Variants in KLF8 observed in about 807,000 individuals in gnomAD.
KLF8 encodes the protein Krueppel-like factor 8.
KLF8 carries 10 observed loss-of-function variants against 18.2 expected under a neutral mutation model. The ratio of observed to expected loss-of-function variants is 0.55; its 90% CI spans 0.34 to 0.93. The LOEUF (loss-of-function observed/expected upper bound fraction) is 0.93. Among genes scored for constraint, KLF8 ranks in the 40% least tolerant of loss-of-function variants. KLF8 has a pLI of 0.02. For synonymous variants in KLF8, 109 were observed against 97.3 expected, an observed-to-expected ratio of 1.12 and a Z score of -0.71; for missense variants, 264 against 277.9, an observed-to-expected ratio of 0.95 and a Z score of 0.36.
the KLF8 span, among the ~76,000 whole-genome samples, chrX:56,188,877 G>C: frequency 4.5e-5 from 5 of 111,957 alleles, no homozygotes; most frequent in African/African-American, 1.6e-4. Context: ...ATTCAAGATG[G>C]ATGAAAGACT....
chrX:56,169,024 G>A, the KLF8 span, among the ~76,000 whole-genome samples: 2 of 111,558 alleles, frequency 1.8e-5, no homozygotes, highest in African/African-American at 3.3e-5. Flanking sequence ...GACTTCCATA[G>A]CAGTCAGAGA....
chrX:56,016,137 A>T, the KLF8 span, among the ~76,000 whole-genome samples: 1 of 111,869 alleles, frequency 8.9e-6, no homozygotes, highest in African/African-American at 3.2e-5. Flanking sequence ...TTCACATCTT[A>T]GCTCAAGCAG....
the KLF8 span, among the ~76,000 whole-genome samples, chrX:55,969,043 C>A: frequency 6.6e-4 from 74 of 111,593 alleles, no homozygotes; most frequent in Admixed American, 3.2e-3. Context: ...ATTGGACAGA[C>A]CTTCTAGATA....
the KLF8 span, among the ~76,000 whole-genome samples, chrX:56,144,931 T>G: frequency 9.4e-6 from 1 of 106,740 alleles, no homozygotes; most frequent in Non-Finnish European, 1.9e-5. Context: ...TAGCTGGGAT[T>G]ACAGGCTCAG....
In KLF8 at chrX:56,289,230, A is replaced by C. The variant is rs2067298960; in HGVS notation, c.*4736A>C. Among the ~76,000 whole-genome samples the C allele has an allele frequency of 9.0e-6, 1 of 110,883 alleles. No individual in the cohort carries two copies. Among genetic ancestry groups the C allele is most frequent in the South Asian group, 3.8e-4 (1 of 2,621 alleles). On this transcript the variant is annotated 3_prime_UTR_variant, in exon 6 of 6. Coordinates refer to ENST00000468660, the MANE Select transcript of KLF8 (RefSeq NM_007250.5). Reference sequence around the variant, plus strand: ...TGGCCATTGGGAGCTCTTTTGGGTGATTCTCAAGTTCTTTTGACACACCCC... The same window carrying C: ...TGGCCATTGGGAGCTCTTTTGGGTGCTTCTCAAGTTCTTTTGACACACCCC...
chrX:56,155,578 C>T, the KLF8 span, among the ~76,000 whole-genome samples: 1 of 110,918 alleles, frequency 9.0e-6, no homozygotes, highest in South Asian at 3.9e-4. Flanking sequence ...ACTTTATGTA[C>T]ATGTACCCTA....
At chrX:56,040,808 T>TC in the KLF8 span, among the ~76,000 whole-genome samples, 1 of 37,227 alleles carries the variant, frequency 2.7e-5, no homozygotes, top group Non-Finnish European at 3.9e-5. Flanking sequence ...AGCTTTTTTT[T>TC]TTTTTTTTTT....
At chrX:56,134,988 T>A in the KLF8 span, among the ~76,000 whole-genome samples, 344 of 110,146 alleles carry the variant, frequency 3.1e-3, no homozygotes, top group African/African-American at 0.011. Context: ...CACAGTGCAA[T>A]AAAAATAAAA....
At chrX:56,052,355 G>C in the KLF8 span, among the ~76,000 whole-genome samples, 5 of 112,044 alleles carry the variant, frequency 4.5e-5, no homozygotes, top group African/African-American at 1.6e-4. Context: ...CTGCTTTTTA[G>C]AGTTTCCAGT....
At chrX:56,047,197 G>C in the KLF8 span, among the ~76,000 whole-genome samples, 1 of 82,866 alleles carries the variant, frequency 1.2e-5, no homozygotes, top group Non-Finnish European at 2.4e-5. Flanking sequence ...GTGTGTCCTT[G>C]ATTTCCAGAA....
the KLF8 span, among the ~76,000 whole-genome samples, chrX:56,153,160 T>C: frequency 9.0e-6 from 1 of 111,374 alleles, no homozygotes; most frequent in Non-Finnish European, 1.9e-5. Context: ...AAATAGCATA[T>C]TTTTATGAAA....
At chrX:56,150,470 C>T in the KLF8 span, among the ~76,000 whole-genome samples, 1 of 111,828 alleles carries the variant, frequency 8.9e-6, no homozygotes, top group Non-Finnish European at 1.9e-5. Context: ...TTGGTATTTA[C>T]ATTAACTCCA....
the KLF8 span, among the ~76,000 whole-genome samples, chrX:56,203,712 G>A: frequency 9.0e-6 from 1 of 111,670 alleles, no homozygotes; most frequent in Non-Finnish European, 1.9e-5. Context: ...TTATTGTCAC[G>A]TTTGTCAAAA....
intron 5 of KLF8, among the ~76,000 whole-genome samples, chrX:56,275,916 A>C (rs878914387): frequency 8.9e-6 from 1 of 112,005 alleles, no homozygotes; most frequent in Admixed American, 9.5e-5. Flanking sequence ...ATCAATATTC[A>C]TCAGTGATAT....
At chrX:56,238,345 C>T (rs1413516536) in intron 1 of KLF8, among the ~76,000 whole-genome samples, 1 of 110,975 alleles carries the variant, frequency 9.0e-6, no homozygotes, top group Non-Finnish European at 1.9e-5. Flanking sequence ...TGTGGTGGTG[C>T]ATGCCTGTAA....
chrX:56,099,698 C>T, the KLF8 span, among the ~76,000 whole-genome samples: 10 of 111,749 alleles, frequency 8.9e-5, no homozygotes, highest in South Asian at 1.1e-3. Flanking sequence ...ATTGTCTGCA[C>T]GGAAGATCAA....
At chrX:56,058,476 C>T in the KLF8 span, among the ~76,000 whole-genome samples, 4 of 102,643 alleles carry the variant, frequency 3.9e-5, no homozygotes, top group African/African-American at 1.1e-4. Flanking sequence ...TCTCCTAATG[C>T]TCTCTCTCCC....
At chrX:56,171,427 G>A in the KLF8 span, among the ~76,000 whole-genome samples, 1 of 111,326 alleles carries the variant, frequency 9.0e-6, no homozygotes, top group African/African-American at 3.3e-5. Context: ...ACAACGTGCA[G>A]GTTTGTTACA....
chrX:56,080,200 G>C, the KLF8 span, among the ~76,000 whole-genome samples: 2 of 109,780 alleles, frequency 1.8e-5, no homozygotes, highest in South Asian at 8.2e-4. Context: ...TATGATGTTA[G>C]TTGGTTATTT....
Sources: allele counts gnomAD v4.1 joint callset (sites outside exome capture counted in the v4.1 genomes callset), GRCh38; gene constraint gnomAD v4.1.1; transcripts MANE v1.5; gene names NCBI Gene and HGNC (gene_info 2026-07-23, HGNC 2026-07-21).